The following GRIK4 variants were observed in gnomAD, a reference collection of about 807,000 sequenced individuals.
The protein encoded by GRIK4 is glutamate ionotropic receptor kainate type subunit 4, also known as glutamate receptor ionotropic, kainate 4.
Under a neutral mutation model 104.9 loss-of-function variants are expected in GRIK4, and 40 were observed. The ratio of observed to expected loss-of-function variants is 0.38; its 90% CI spans 0.30 to 0.50. The LOEUF (loss-of-function observed/expected upper bound fraction) is 0.50, where lower values mean the gene tolerates loss of function less well. GRIK4 is among the 20% of genes least tolerant of loss of function. The pLI is 0.93. For synonymous variants in GRIK4, 485 were observed against 524.9 expected, an observed-to-expected ratio of 0.92 and a Z score of 1.04; for missense variants, 1,047 against 1,308.1, an observed-to-expected ratio of 0.80 and a Z score of 3.08.
intron 20 of GRIK4, among the ~76,000 whole-genome samples, chr11:120,984,281 C>T (rs1157243562): frequency 6.6e-6 from 1 of 152,272 alleles, no homozygotes; most frequent in Admixed American, 6.5e-5. Context: ...ACTTCTGCTC[C>T]CATATGGTCT....
At chr11:120,694,334 G>A (rs570275598) in intron 3 of GRIK4, among the ~76,000 whole-genome samples, 11 of 152,286 alleles carry the variant, frequency 7.2e-5, no homozygotes, top group African/African-American at 1.7e-4. Flanking sequence ...AGGCTCTTCC[G>A]CCTCTCAGCC....
chr11:120,871,197 A>G (rs1158572473), intron 9 of GRIK4: 1 of 170,700 alleles, frequency 5.9e-6, no homozygotes, highest in Non-Finnish European at 1.3e-5. Context: ...AAGGATCTAG[A>G]AGCCAGTTTC....
At chr11:120,873,550 C>A (rs1370126645) in intron 9 of GRIK4, 1 of 152,614 alleles carries the variant, frequency 6.6e-6, no homozygotes, top group Non-Finnish European at 1.5e-5. Context: ...GTGCTTCATA[C>A]CTACTCATCA....
chr11:120,846,861 G>A lies in GRIK4; in HGVS notation c.744+10017G>A, dbSNP rs147571837. ...TGGTGAATTTTTTCCAGATGAAATC[G>A]GCCACCCTCCTCTTCACGGTTTTCC... On this transcript the variant is annotated intron_variant, in intron 8 of 20. Coordinates refer to ENST00000527524, the MANE Select transcript of GRIK4 (RefSeq NM_014619.5). Among the ~76,000 whole-genome samples, 482 of 152,136 alleles carry A rather than the reference G, an allele frequency of 3.2e-3. 3 individuals are homozygous for A. Among genetic ancestry groups the A allele is most frequent in the African/African-American group, 0.011 (456 of 41,496 alleles).
intron 3 of GRIK4, among the ~76,000 whole-genome samples, chr11:120,706,785 C>A (rs1454802552): frequency 6.6e-6 from 1 of 152,192 alleles, no homozygotes; most frequent in Non-Finnish European, 1.5e-5. Flanking sequence ...GTTCTCACCC[C>A]CTCTGTAGCT....
At chr11:120,934,137 G>A (rs1050357052) in intron 13 of GRIK4, among the ~76,000 whole-genome samples, 4 of 150,614 alleles carry the variant, frequency 2.7e-5, no homozygotes, top group African/African-American at 4.9e-5. Context: ...CCCGGGAGGC[G>A]GAGGTTGCAG....
At chr11:120,685,872 C>T (rs1950267390) in intron 3 of GRIK4, among the ~76,000 whole-genome samples, 2 of 152,186 alleles carry the variant, frequency 1.3e-5, no homozygotes, top group South Asian at 4.1e-4. Flanking sequence ...GTGCCTCCCT[C>T]ACCCTTTCTG....
In GRIK4 at chr11:120,819,172, T is replaced by C. The variant is rs1440404557; in HGVS notation, c.346-583T>C. On this transcript the variant is annotated intron_variant, in intron 5 of 20. Transcript: ENST00000527524. The surrounding 1 kb of genome is among the most constrained non-coding windows in gnomAD (Gnocchi z 4.3). ...AGATGGTTTCTCCGCCTGCAGGGCT[T>C]CCTTCCTCCATGTGCGCATGTGTGT... 1.3e-5 allele frequency among the ~76,000 whole-genome samples: 2 copies of C among 152,190 alleles called. No homozygotes were observed. The highest frequency in any genetic ancestry group is 2.9e-5 in the Non-Finnish European group (2 of 68,022).
intron 1 of GRIK4, among the ~76,000 whole-genome samples, chr11:120,551,730 G>A (rs947201094): frequency 3.3e-5 from 5 of 151,540 alleles, no homozygotes; most frequent in African/African-American, 4.9e-5. Flanking sequence ...GCAGTGAGCC[G>A]AGATCACACC....
At position 120,639,375 on chromosome 11, in the gene GRIK4, C is replaced by T. The variant is rs117660818; in HGVS notation, c.-158-14310C>T. ...TCTGAGCTCTGGATGGGAGAATCCC[C>T]GGGGCCTGCTTTTGTGCTCTTCATC... On this transcript the variant is annotated intron_variant, in intron 1 of 20. Coordinates refer to ENST00000527524, the MANE Select transcript of GRIK4 (RefSeq NM_014619.5). 6.9e-3 allele frequency among the ~76,000 whole-genome samples: 1,057 copies of T among 152,232 alleles called. 9 individuals are homozygous for T. The highest frequency in any genetic ancestry group is 0.011 in the Non-Finnish European group (744 of 68,008).
intron 3 of GRIK4, among the ~76,000 whole-genome samples, chr11:120,778,272 G>A (rs1313111572): frequency 6.6e-6 from 1 of 152,220 alleles, no homozygotes; most frequent in Non-Finnish European, 1.5e-5. Flanking sequence ...ATGTGTAGGA[G>A]TTGAAAAGTG....
rs117087570 is a variant in GRIK4 at position 120,515,024 on chromosome 11, G to A, written c.-159+3137G>A. On this transcript the variant is annotated intron_variant, in intron 1 of 20. Coordinates refer to ENST00000527524, the MANE Select transcript of GRIK4 (RefSeq NM_014619.5). ...CACAGGGGACCCTGTCTCAGCAGCCGTCAGTGGCAGTGCCTTCCAAGATGC... is the reference window on the plus strand; with the variant it reads ...CACAGGGGACCCTGTCTCAGCAGCCATCAGTGGCAGTGCCTTCCAAGATGC... 3.2e-3 allele frequency: 1,463 copies of A among 456,682 alleles called. 4 individuals carry two copies. Among genetic ancestry groups the A allele is most frequent in the Middle Eastern group, 0.02 (60 of 3,076 alleles). 28.3% of individuals were successfully genotyped at this position (456,682 alleles called of 1,614,324 possible).
At chr11:120,859,346 A>C (rs1183002784) in intron 8 of GRIK4, 2 of 152,250 alleles carry the variant, frequency 1.3e-5, no homozygotes, top group Non-Finnish European at 2.9e-5. Context: ...TCTGAAGCCC[A>C]GAAGGTTACA....
intron 19 of GRIK4, among the ~76,000 whole-genome samples, chr11:120,977,556 A>G (rs1224005029): frequency 6.6e-6 from 1 of 152,326 alleles, no homozygotes; most frequent in Middle Eastern, 3.4e-3. Context: ...TCTGCCAGCA[A>G]TCTATTCTTG....
At chr11:120,711,335 C>T (rs1476385970) in intron 3 of GRIK4, among the ~76,000 whole-genome samples, 3 of 152,132 alleles carry the variant, frequency 2.0e-5, no homozygotes, top group Non-Finnish European at 2.9e-5. Context: ...CAAGGTGGGA[C>T]GAGATGTTCC....
chr11:120,935,065 CCAT>C (rs1943567511), intron 13 of GRIK4, among the ~76,000 whole-genome samples: 1 of 152,188 alleles, frequency 6.6e-6, no homozygotes, highest in Non-Finnish European at 1.5e-5. Context: ...CTGCTGACCG[CCAT>C]CATCCACTTA....
chr11:120,873,939 G>A lies in GRIK4; in HGVS notation c.907-127G>A, dbSNP rs111880007. Reference sequence around the variant, plus strand: ...GACGTGGGCCAAGGGTGATGAAGATGCACTCTTATTTCCCTTTCTTTTGCT... The same window carrying A: ...GACGTGGGCCAAGGGTGATGAAGATACACTCTTATTTCCCTTTCTTTTGCT... On this transcript the variant is annotated intron_variant, in intron 9 of 20. Coordinates refer to ENST00000527524, the MANE Select transcript of GRIK4 (RefSeq NM_014619.5). The A allele has an allele frequency of 8.4e-4, 679 of 811,878 alleles. 5 individuals carry two copies. The African/African-American group carries it at 8.5e-3, about 10-fold the overall frequency. The allele number at this position is 811,878 out of a possible 1,614,324, so 50.3% of individuals were successfully genotyped here. A position where few individuals can be genotyped will look rare whatever the true frequency, so the allele number is the denominator to read the frequency against.
At chr11:120,882,713 T>G (rs1201948579) in intron 11 of GRIK4, among the ~76,000 whole-genome samples, 1 of 152,188 alleles carries the variant, frequency 6.6e-6, no homozygotes, top group Non-Finnish European at 1.5e-5. Flanking sequence ...GAGTCCATCT[T>G]TCCTACCAGA....
At chr11:120,528,152 T>G (rs1311193046) in intron 1 of GRIK4, among the ~76,000 whole-genome samples, 2 of 152,146 alleles carry the variant, frequency 1.3e-5, no homozygotes, top group Non-Finnish European at 2.9e-5. Flanking sequence ...TATTTTTGTA[T>G]TTTTTGTGCA....
Sources: gnomAD v4.1 joint callset for allele counts (sites outside exome capture counted in the v4.1 genomes callset) on GRCh38, gnomAD v4.1.1 for gene constraint, Gnocchi (gnomAD v3.1) non-coding constraint, MANE v1.5 for transcripts, NCBI Gene and HGNC (gene_info 2026-07-23, HGNC 2026-07-21) for gene names.